CACHD1: variants seen among roughly 807,000 people sequenced by gnomAD.
The protein encoded by CACHD1 is VWFA and cache domain-containing protein 1.
A neutral mutation model predicts 138.7 loss-of-function variants in CACHD1; 71 were observed. The ratio of observed to expected loss-of-function variants is 0.51; its 90% CI spans 0.42 to 0.62. The LOEUF is 0.62. Among genes scored for constraint, CACHD1 ranks in the 20% least tolerant of loss-of-function variants. CACHD1 has a pLI of 0.00. For synonymous variants in CACHD1, 578 were observed against 591.5 expected (o/e 0.98, Z 0.33); for missense variants, 1,389 against 1,625.3 (o/e 0.85, Z 2.50).
At chr1:64,661,612 C>T (rs923188477) in intron 13 of CACHD1, among the ~76,000 whole-genome samples, 4 of 152,140 alleles carry the variant, frequency 2.6e-5, no homozygotes, top group Non-Finnish European at 5.9e-5. Flanking sequence ...TTCCTTGTCA[C>T]TCCAATCAGA....
At chr1:64,647,776 G>A (rs750160109) in intron 8 of CACHD1, 25 bp from the exon 9 acceptor site, 4 of 1,606,130 alleles carry the variant, frequency 2.5e-6, no homozygotes, top group Admixed American at 1.7e-5. Context: ...GCTTTCCGTG[G>A]TCTTCTCTCG....
At position 64,585,377 on chromosome 1, in the gene CACHD1, C is replaced by G. The variant is rs149611678; in HGVS notation, c.410+3073C>G. On this transcript the variant is annotated intron_variant, in intron 3 of 26. Transcript: ENST00000651257. ...CCAGTGGTCAACCTTTTTGTTAATA[C>G]AATCAAGCATAAAATGTAGTTTCTG... Among the ~76,000 whole-genome samples, 985 of 152,296 alleles carry G rather than the reference C, an allele frequency of 6.5e-3. 5 individuals are homozygous for G. Among genetic ancestry groups the G allele is most frequent in the Non-Finnish European group, 8.6e-3 (585 of 68,008 alleles).
chr1:64,600,909 T>G (rs1015711599), intron 3 of CACHD1, among the ~76,000 whole-genome samples: 1 of 152,198 alleles, frequency 6.6e-6, no homozygotes, highest in African/African-American at 2.4e-5. Flanking sequence ...CAGTGACTAT[T>G]TACAAACTAA....
At chr1:64,473,331 A>C (rs1446152216) in intron 1 of CACHD1, among the ~76,000 whole-genome samples, 4 of 152,192 alleles carry the variant, frequency 2.6e-5, no homozygotes, top group Non-Finnish European at 5.9e-5. Context: ...GGAAAAAAAA[A>C]AGTCGAATGC....
chr1:64,488,352 C>T (rs142395342), intron 1 of CACHD1, among the ~76,000 whole-genome samples: 1 of 152,236 alleles, frequency 6.6e-6, no homozygotes, highest in East Asian at 1.9e-4. Flanking sequence ...CTATTTGATG[C>T]AAATCAAGAT....
intron 3 of CACHD1, among the ~76,000 whole-genome samples, chr1:64,588,387 C>A (rs939778278): frequency 1.3e-5 from 2 of 151,778 alleles, no homozygotes; most frequent in African/African-American, 4.8e-5. Flanking sequence ...GCAGGCCATA[C>A]TGATCCTTGG....
intron 1 of CACHD1, among the ~76,000 whole-genome samples, chr1:64,522,293 C>A (rs1646503754): frequency 7.2e-6 from 1 of 138,194 alleles, no homozygotes; most frequent in Admixed American, 8.2e-5. Flanking sequence ...CTTTTCTTTT[C>A]CTCTCAACCC....
At chr1:64,520,867 A>G (rs767704430) in intron 1 of CACHD1, among the ~76,000 whole-genome samples, 66 of 152,328 alleles carry the variant, frequency 4.3e-4, no homozygotes, top group Non-Finnish European at 8.4e-4. Context: ...GCTCCATTTC[A>G]TAGATGAGAA....
At chr1:64,502,020 T>C (rs527818532) in intron 1 of CACHD1, among the ~76,000 whole-genome samples, 1 of 152,372 alleles carries the variant, frequency 6.6e-6, no homozygotes, top group South Asian at 2.1e-4. Context: ...TTGGATATGA[T>C]AGAAGACTTA....
At chr1:64,604,559 C>A (rs1647279380) in intron 4 of CACHD1, among the ~76,000 whole-genome samples, 1 of 152,194 alleles carries the variant, frequency 6.6e-6, no homozygotes, top group Non-Finnish European at 1.5e-5. Flanking sequence ...AAATAGCAAT[C>A]TGAATAGGAT....
chr1:64,590,153 C>G (rs1191951140), intron 3 of CACHD1, among the ~76,000 whole-genome samples: 5 of 151,754 alleles, frequency 3.3e-5, no homozygotes, highest in African/African-American at 1.2e-4. Context: ...TAAAAACAAA[C>G]AAAACAAACA....
intron 3 of CACHD1, among the ~76,000 whole-genome samples, chr1:64,597,524 GTTTTT>G (rs34162933): frequency 5.0e-5 from 4 of 80,400 alleles, no homozygotes; most frequent in Admixed American, 1.4e-4. Flanking sequence ...TTTTTTTGTT[GTTTTT>G]TTTTTTTTTT....
chr1:64,499,307 G>A (rs1646324304), intron 1 of CACHD1, among the ~76,000 whole-genome samples: 1 of 152,096 alleles, frequency 6.6e-6, no homozygotes, highest in Non-Finnish European at 1.5e-5. Flanking sequence ...TTGGATTCTA[G>A]CAACTGGAAC....
intron 14 of CACHD1, 93 bp from the exon 15 acceptor site, chr1:64,664,405 T>A: frequency 1.6e-6 from 2 of 1,251,976 alleles, no homozygotes; most frequent in South Asian, 2.8e-5. Flanking sequence ...GCTTGGCTTC[T>A]CTGCAACAGA....
At chr1:64,511,452 A>G (rs1557468873) in intron 1 of CACHD1, among the ~76,000 whole-genome samples, 1 of 152,214 alleles carries the variant, frequency 6.6e-6, no homozygotes, top group Admixed American at 6.5e-5. Flanking sequence ...CTAGGAAAAT[A>G]AACAACCATC....
intron 1 of CACHD1, among the ~76,000 whole-genome samples, chr1:64,492,668 A>G (rs990730588): frequency 6.6e-6 from 1 of 152,098 alleles, no homozygotes; most frequent in African/African-American, 2.4e-5. Context: ...AGTTAACGTC[A>G]GTGTAAAAGA....
intron 24 of CACHD1, 63 bp from the exon 25 acceptor site, chr1:64,681,195 T>C: frequency 1.6e-6 from 2 of 1,221,066 alleles, no homozygotes; most frequent in Non-Finnish European, 2.4e-6. Flanking sequence ...CTCAGCAGGG[T>C]ATTAAAGCGG....
At chr1:64,564,434 G>A (rs1049554585) in intron 2 of CACHD1, among the ~76,000 whole-genome samples, 2 of 152,132 alleles carry the variant, frequency 1.3e-5, no homozygotes, top group Non-Finnish European at 2.9e-5. Context: ...AACTTGGGAT[G>A]CTGTATCAGC....
At chr1:64,566,530 T>G (rs1646884135) in intron 2 of CACHD1, among the ~76,000 whole-genome samples, 1 of 133,444 alleles carries the variant, frequency 7.5e-6, no homozygotes, top group Admixed American at 8.9e-5. Context: ...TACCACAGAA[T>G]GGAAGGGGCT....
Sources: gnomAD v4.1 joint callset for allele counts (sites outside exome capture counted in the v4.1 genomes callset) on GRCh38, gnomAD v4.1.1 for gene constraint, MANE v1.5 for transcripts, NCBI Gene and HGNC (gene_info 2026-07-23, HGNC 2026-07-21) for gene names.